AGAP1: variants seen among roughly 807,000 people sequenced by gnomAD.
AGAP1 encodes ArfGAP with GTPase domain, ankyrin repeat and PH domain 1.
A neutral mutation model predicts 105.3 loss-of-function variants in AGAP1; 29 were observed. That is an observed-to-expected ratio of 0.28 (90% CI 0.21 to 0.38). The LOEUF (loss-of-function observed/expected upper bound fraction) is 0.38, where lower values mean the gene tolerates loss of function less well. Ranked by LOEUF, AGAP1 falls within the 10% of genes least tolerant of loss-of-function variation. The pLI is 1.00. For synonymous variants in AGAP1, 509 were observed against 485.9 expected (o/e 1.05, Z -0.63); for missense variants, 998 against 1,165.1 (o/e 0.86, Z 2.09).
rs569648628 is a variant in AGAP1 at position 236,114,250 on chromosome 2, A to C, written c.2115-5942A>C. On this transcript the variant is annotated intron_variant, in intron 16 of 17. Transcript: ENST00000304032. This position sits in a 1 kb window ranked among gnomAD's most constrained non-coding sequence, Gnocchi z 5.0. Reference sequence around the variant, plus strand: ...GGAAAATGAAAGGCTCAGCCAAGACAAGCCAGGGATCCCAGAAGTAGAATT... The same window carrying C: ...GGAAAATGAAAGGCTCAGCCAAGACCAGCCAGGGATCCCAGAAGTAGAATT... Among the ~76,000 whole-genome samples, 1 of 152,272 alleles carries C rather than the reference A, an allele frequency of 6.6e-6. No homozygotes were observed. The highest frequency in any genetic ancestry group is 1.9e-4 in the East Asian group (1 of 5,180).
At position 235,553,422 on chromosome 2, in the gene AGAP1, C is replaced by T. The variant is rs968383938; in HGVS notation, c.163+58573C>T. ...ACATACTTCTCCTTTAATCCCACAG[C>T]TAGTTTTAAAAACTACATGATTGTG... On this transcript the variant is annotated intron_variant, in intron 1 of 17. Coordinates refer to ENST00000304032, the MANE Select transcript of AGAP1 (RefSeq NM_001037131.3). The surrounding 1 kb of genome is among the most constrained non-coding windows in gnomAD (Gnocchi z 4.5). Among the ~76,000 whole-genome samples the T allele has an allele frequency of 3.9e-5, 6 of 152,006 alleles. No homozygotes were observed. Among genetic ancestry groups the T allele is most frequent in the African/African-American group, 1.5e-4 (6 of 41,368 alleles).
At chr2:235,941,543 A>C (rs1413257848) in intron 12 of AGAP1, among the ~76,000 whole-genome samples, 1 of 152,180 alleles carries the variant, frequency 6.6e-6, no homozygotes, top group African/African-American at 2.4e-5. Flanking sequence ...AGCAGGTGCA[A>C]GGCATACGTT....
At position 235,732,913 on chromosome 2, in the gene AGAP1, AG is replaced by A. The variant is rs1952033563; in HGVS notation, c.311-8049del. Among the ~76,000 whole-genome samples, 1 of 152,138 alleles carries A rather than the reference AG, an allele frequency of 6.6e-6. No individual in the cohort carries two copies. On this transcript the variant is annotated intron_variant, in intron 3 of 17. Coordinates refer to ENST00000304032, the MANE Select transcript of AGAP1 (RefSeq NM_001037131.3). This position sits in a 1 kb window ranked among gnomAD's most constrained non-coding sequence, Gnocchi z 4.8. ...CAGACCTCAGCCACCTCCCCCAGCCAGCCCCAGGGGTGTTGGGGGCATCTTT... is the reference window on the plus strand; with the variant it reads ...CAGACCTCAGCCACCTCCCCCAGCCACCCCAGGGGTGTTGGGGGCATCTTT...
chr2:235,802,942 T>TGGTG (rs1380753940), intron 8 of AGAP1, among the ~76,000 whole-genome samples: 3 of 47,336 alleles, frequency 6.3e-5, no homozygotes, highest in South Asian at 7.7e-4. Flanking sequence ...ATGATGGTTG[T>TGGTG]AATGGTGGTG....
intron 13 of AGAP1, among the ~76,000 whole-genome samples, chr2:235,995,679 A>C (rs1371186509): frequency 6.6e-6 from 1 of 152,132 alleles, no homozygotes. Flanking sequence ...GCCATCAAGA[A>C]AGCTGCACAG....
intron 1 of AGAP1, among the ~76,000 whole-genome samples, chr2:235,584,193 CTTT>C (rs11447483): frequency 2.1e-5 from 3 of 139,974 alleles, no homozygotes; most frequent in Non-Finnish European, 3.1e-5. Flanking sequence ...CAATAAACCA[CTTT>C]TTTTTTTTTT....
chr2:235,791,727 T>C (rs1956988383), intron 6 of AGAP1, among the ~76,000 whole-genome samples: 1 of 152,094 alleles, frequency 6.6e-6, no homozygotes, highest in Admixed American at 6.6e-5. Context: ...TTTGTATTTT[T>C]AGTAGAGACA....
rs112874332 is a variant in AGAP1 at position 235,522,442 on chromosome 2, T to C, written c.163+27593T>C. On this transcript the variant is annotated intron_variant, in intron 1 of 17. Transcript: ENST00000304032. ...TTGATAATACCAATCTCATGGTTCA[T>C]AGGAGGCGTGATGGTGGTGATGGTG... Among the ~76,000 whole-genome samples, 1,361 of 152,090 alleles carry C rather than the reference T, an allele frequency of 8.9e-3. 25 individuals are homozygous for C. Among genetic ancestry groups the C allele is most frequent in the African/African-American group, 0.031 (1,274 of 41,490 alleles).
chr2:235,908,610 A>G lies in AGAP1; in HGVS notation c.1156-128A>G, dbSNP rs1334705810. The G allele has an allele frequency of 1.3e-6, 1 of 773,048 alleles. No homozygotes were observed. Among genetic ancestry groups the G allele is most frequent in the South Asian group, 2.5e-5 (1 of 39,794 alleles). The allele number at this position is 773,048 out of a possible 1,614,324, so 47.9% of individuals were successfully genotyped here. A position where few individuals can be genotyped will look rare whatever the true frequency, so the allele number is the denominator to read the frequency against. ...TATAGATAAAAATCTCATGATTTTT[A>G]AAGTACTTTCCACAGTGGAAGGGTC... On this transcript the variant is annotated intron_variant, in intron 10 of 17. Transcript: ENST00000304032. This position sits in a 1 kb window ranked among gnomAD's most constrained non-coding sequence, Gnocchi z 4.4.
Position 236,053,242 on chromosome 2 carries a change from C to T in AGAP1, c.2114+3961C>T, listed in dbSNP as rs540526947. ...AGGTGAAGATGTTAAAACAGTCGTG[C>T]GAACGTCTCCTGCATGAATGAATGA... On this transcript the variant is annotated intron_variant, in intron 16 of 17. Transcript: ENST00000304032. This position sits in a 1 kb window ranked among gnomAD's most constrained non-coding sequence, Gnocchi z 4.6. Among the ~76,000 whole-genome samples the T allele has an allele frequency of 6.6e-5, 10 of 152,272 alleles. 1 individual carries two copies. In the South Asian group the frequency reaches 1.9e-3, roughly 28 times the overall value.
chr2:235,905,738 A>G lies in AGAP1; in HGVS notation c.1156-3000A>G, dbSNP rs944219526. On this transcript the variant is annotated intron_variant, in intron 10 of 17. Coordinates refer to ENST00000304032, the MANE Select transcript of AGAP1 (RefSeq NM_001037131.3). The surrounding 1 kb of genome is among the most constrained non-coding windows in gnomAD (Gnocchi z 4.2). The stretch of plus-strand genomic sequence containing the variant: ...GGTCTTGAACTCCTGACCTCAAGTG[A>G]TCCACTCTCCTCGGCCTCCCAGAGT... Among the ~76,000 whole-genome samples, 1 of 152,098 alleles carries G rather than the reference A, an allele frequency of 6.6e-6. No individual in the cohort carries two copies. The highest frequency in any genetic ancestry group is 1.5e-5 in the Non-Finnish European group (1 of 68,012).
At chr2:235,681,229 T>C (rs1219367865) in intron 1 of AGAP1, among the ~76,000 whole-genome samples, 1 of 152,306 alleles carries the variant, frequency 6.6e-6, no homozygotes, top group Non-Finnish European at 1.5e-5. Context: ...CAGGATGGTC[T>C]CGATCTCCTG....
In AGAP1 at chr2:236,022,139, G is replaced by A. The variant is rs568333472; in HGVS notation, c.1646-14422G>A. Among the ~76,000 whole-genome samples the A allele has an allele frequency of 1.5e-4, 23 of 151,018 alleles. No homozygotes were observed. In the South Asian group the frequency reaches 4.4e-3, roughly 29 times the overall value. On this transcript the variant is annotated intron_variant, in intron 13 of 17. Coordinates refer to ENST00000304032, the MANE Select transcript of AGAP1 (RefSeq NM_001037131.3). ...GCTTTCAAATGGAGTTTCTTTACAC[G>A]TGGTCCTTGAACTGCTATCCCAGCT...
Position 236,123,854 on chromosome 2 carries a change from C to G in AGAP1, c.2371-65C>G, listed in dbSNP as rs561663432. On this transcript the variant is annotated intron_variant, in intron 17 of 17. Transcript: ENST00000304032. The surrounding 1 kb of genome is among the most constrained non-coding windows in gnomAD (Gnocchi z 4.6). ...GCCACATGCAAGGGCTGAGAGAAAG[C>G]TTCCCTGCCCCCTCCCTCCATCACA... The G allele has an allele frequency of 7.3e-5, 116 of 1,590,950 alleles. 1 individual carries two copies. In the East Asian group the frequency reaches 2.4e-3, roughly 32 times the overall value.
At chr2:236,084,188 AT>A (rs2058861600) in intron 16 of AGAP1, among the ~76,000 whole-genome samples, 1 of 150,212 alleles carries the variant, frequency 6.7e-6, no homozygotes, top group Non-Finnish European at 1.5e-5. Flanking sequence ...AACAGCTGTA[AT>A]GATGGTTCGC....
At chr2:235,828,404 C>T (rs754471818) in intron 9 of AGAP1, among the ~76,000 whole-genome samples, 3 of 152,110 alleles carry the variant, frequency 2.0e-5, no homozygotes, top group Non-Finnish European at 4.4e-5. Flanking sequence ...AGCATAATCC[C>T]CATTTCACAG....
chr2:235,520,904 G>A (rs1016088308), intron 1 of AGAP1, among the ~76,000 whole-genome samples: 20 of 152,136 alleles, frequency 1.3e-4, no homozygotes, highest in East Asian at 1.9e-4. Context: ...CATCTTCTGC[G>A]TGTGGAAGCA....
At chr2:235,803,368 A>G (rs112319745) in intron 8 of AGAP1, among the ~76,000 whole-genome samples, 274 of 152,328 alleles carry the variant, frequency 1.8e-3, no homozygotes, top group African/African-American at 6.3e-3. Flanking sequence ...GTTTTCTTCT[A>G]TTTTTAAATA....
In AGAP1 at chr2:235,901,828, G is replaced by A. The variant is rs2051078388; in HGVS notation, c.1156-6910G>A. Among the ~76,000 whole-genome samples the A allele has an allele frequency of 6.7e-6, 1 of 150,034 alleles. No individual in the cohort carries two copies. The highest frequency in any genetic ancestry group is 6.6e-5 in the Admixed American group (1 of 15,096). ...CAGGAGACAGAAATTGCAGTGAGCC[G>A]AGATCACACCACTGTACTCCAGCCT... is the stretch of plus-strand genomic sequence containing the variant. On this transcript the variant is annotated intron_variant, in intron 10 of 17. Coordinates refer to ENST00000304032, the MANE Select transcript of AGAP1 (RefSeq NM_001037131.3). This position sits in a 1 kb window ranked among gnomAD's most constrained non-coding sequence, Gnocchi z 4.3.
Sources: gnomAD v4.1 joint callset for allele counts (sites outside exome capture counted in the v4.1 genomes callset) on GRCh38, gnomAD v4.1.1 for gene constraint, Gnocchi (gnomAD v3.1) non-coding constraint, MANE v1.5 for transcripts, NCBI Gene and HGNC (gene_info 2026-07-23, HGNC 2026-07-21) for gene names.